NRP1: variants seen among roughly 807,000 people sequenced by gnomAD.
NRP1 encodes neuropilin 1.
In NRP1, 35 loss-of-function variants were observed where a neutral mutation model predicts 106.7. That is an observed-to-expected ratio of 0.33 (90% CI 0.25 to 0.43). NRP1 has a LOEUF of 0.43. Among genes scored for constraint, NRP1 ranks in the 20% least tolerant of loss-of-function variants. The pLI is 1.00. For synonymous variants in NRP1, 437 were observed against 417.9 expected, an observed-to-expected ratio of 1.05 and a Z score of -0.56; for missense variants, 1,024 against 1,170.4, an observed-to-expected ratio of 0.87 and a Z score of 1.83.
chr10:33,204,605 G>A (rs182655581), intron 10 of NRP1, among the ~76,000 whole-genome samples: 6 of 152,076 alleles, frequency 3.9e-5, no homozygotes, highest in East Asian at 3.9e-4. Flanking sequence ...GGGGAGTTCC[G>A]CATTGTAAAT....
intron 2 of NRP1, among the ~76,000 whole-genome samples, chr10:33,293,398 G>A (rs746000353): frequency 6.6e-6 from 1 of 152,112 alleles, no homozygotes; most frequent in Non-Finnish European, 1.5e-5. Flanking sequence ...AATGGGGATG[G>A]TAACTCTCTT....
At chr10:33,310,886 T>G (rs1396001007) in intron 2 of NRP1, among the ~76,000 whole-genome samples, 1 of 152,204 alleles carries the variant, frequency 6.6e-6, no homozygotes, top group African/African-American at 2.4e-5. Context: ...ACCTACAGTT[T>G]CTATTTATTG....
At position 33,179,524 on chromosome 10, in the gene NRP1, A is replaced by G. The variant is rs542044986; in HGVS notation, c.*552T>C. 6.5e-6 allele frequency: 1 copy of G among 154,782 alleles called. No homozygotes were observed. The highest frequency in any genetic ancestry group is 6.4e-5 in the Admixed American group (1 of 15,640). The allele number at this position is 154,782 out of a possible 1,614,324, so 9.6% of individuals were successfully genotyped here. A position where few individuals can be genotyped will look rare whatever the true frequency, so the allele number is the denominator to read the frequency against. ...ATTGCTTCGTAAACAGAGCTGACAC[A>G]CTACACCAGTACTGAGGCTACAGTA... On this transcript the variant is annotated 3_prime_UTR_variant, in exon 17 of 17. Coordinates refer to ENST00000374867, the MANE Select transcript of NRP1 (RefSeq NM_003873.7).
chr10:33,309,561 C>CA (rs1331163803), intron 2 of NRP1, among the ~76,000 whole-genome samples: 15 of 152,192 alleles, frequency 9.9e-5, no homozygotes, highest in African/African-American at 3.6e-4. Context: ...CCCATGTCCA[C>CA]AATTTCCTGT....
At chr10:33,221,692 T>G in intron 8 of NRP1, 27 bp downstream of exon 8, 1 of 1,600,324 alleles carries the variant, frequency 6.2e-7, no homozygotes, top group Non-Finnish European at 8.6e-7. Context: ...ACTTGGAAGA[T>G]TCAGTCTTCA....
chr10:33,260,332 T>A (rs1354202954), intron 4 of NRP1, among the ~76,000 whole-genome samples: 1 of 152,234 alleles, frequency 6.6e-6, no homozygotes, highest in African/African-American at 2.4e-5. Context: ...AGAAAAAATC[T>A]GGCATTTTAT....
intron 2 of NRP1, among the ~76,000 whole-genome samples, chr10:33,276,977 G>A (rs560645888): frequency 8.4e-4 from 127 of 151,956 alleles, no homozygotes; most frequent in African/African-American, 2.9e-3. Context: ...ATGGTGGCTT[G>A]TGCTGTAGTC....
At chr10:33,283,958 C>T (rs556118882) in intron 2 of NRP1, among the ~76,000 whole-genome samples, 36 of 152,288 alleles carry the variant, frequency 2.4e-4, no homozygotes, top group Middle Eastern at 3.4e-3. Context: ...CTAAAGTGCT[C>T]CTCAATCCCA....
Position 33,177,500 on chromosome 10 carries a change from T to C in NRP1, c.*2576A>G, listed in dbSNP as rs1201942888. 6.5e-6 allele frequency: 1 copy of C among 152,672 alleles called. No homozygotes were observed. The highest frequency in any genetic ancestry group is 1.5e-5 in the Non-Finnish European group (1 of 68,042). 9.5% of individuals were successfully genotyped at this position (152,672 alleles called of 1,614,324 possible). ...AATAAAAGCCATCAGGTGTGGGATA[T>C]TTTATGAAAATGTTTAATTCAACTG... On this transcript the variant is annotated 3_prime_UTR_variant, in exon 17 of 17. Transcript: ENST00000374867.
chr10:33,277,138 C>T (rs965020493), intron 2 of NRP1, among the ~76,000 whole-genome samples: 1 of 151,244 alleles, frequency 6.6e-6, no homozygotes, highest in African/African-American at 2.4e-5. Flanking sequence ...AAAAAAATTG[C>T]TCAATAAAAG....
At chr10:33,214,362 G>T (rs956215967) in intron 8 of NRP1, among the ~76,000 whole-genome samples, 10 of 152,098 alleles carry the variant, frequency 6.6e-5, no homozygotes, top group Non-Finnish European at 1.2e-4. Flanking sequence ...CTTTCCCCTG[G>T]ATACTGCATC....
chr10:33,204,817 C>T (rs188047166), intron 10 of NRP1, among the ~76,000 whole-genome samples: 16 of 152,206 alleles, frequency 1.1e-4, no homozygotes, highest in Admixed American at 7.2e-4. Flanking sequence ...CTGCAACCTC[C>T]GCCTCCCTGA....
At chr10:33,195,931 G>A (rs1047869840) in intron 12 of NRP1, among the ~76,000 whole-genome samples, 3 of 152,226 alleles carry the variant, frequency 2.0e-5, no homozygotes, top group Middle Eastern at 3.4e-3. Context: ...TGATAGCAAC[G>A]GGTCCTACTG....
chr10:33,186,533 C>T (rs1289312571), intron 13 of NRP1, 45 bp from the exon 14 acceptor site: 2 of 1,560,252 alleles, frequency 1.3e-6, no homozygotes, highest in Admixed American at 1.8e-5. Flanking sequence ...CCAGGATTAC[C>T]ACACTTTTAT....
At chr10:33,194,875 G>A (rs1564369018) in intron 12 of NRP1, 1 of 430,614 alleles carries the variant, frequency 2.3e-6, no homozygotes, top group Admixed American at 3.1e-5. Flanking sequence ...AGAGAGAAAA[G>A]GAGAGAAAAA....
intron 2 of NRP1, among the ~76,000 whole-genome samples, chr10:33,284,873 C>T (rs1443126826): frequency 2.6e-5 from 4 of 152,098 alleles, no homozygotes; most frequent in South Asian, 2.1e-4. Context: ...GAATCAGTGC[C>T]GTCATGAAGG....
At chr10:33,184,514 G>A (rs187465333) in intron 15 of NRP1, among the ~76,000 whole-genome samples, 4 of 152,342 alleles carry the variant, frequency 2.6e-5, no homozygotes, top group Non-Finnish European at 5.9e-5. Flanking sequence ...ATGGAGAAGT[G>A]AAGAAATCAC....
At chr10:33,216,772 T>C (rs777704168) in intron 8 of NRP1, among the ~76,000 whole-genome samples, 6 of 152,180 alleles carry the variant, frequency 3.9e-5, no homozygotes, top group Admixed American at 2.0e-4. Flanking sequence ...TTTAGTTCTT[T>C]GGAATGCTGC....
chr10:33,288,728 T>C (rs1295199055), intron 2 of NRP1: 2 of 152,222 alleles, frequency 1.3e-5, no homozygotes, highest in East Asian at 3.8e-4. Context: ...CAAATCTCAC[T>C]CTTTCAAAGC....
Sources: allele counts gnomAD v4.1 joint callset (sites outside exome capture counted in the v4.1 genomes callset), GRCh38; gene constraint gnomAD v4.1.1; transcripts MANE v1.5; gene names NCBI Gene and HGNC (gene_info 2026-07-23, HGNC 2026-07-21).